CEP112: variants seen among roughly 807,000 people sequenced by gnomAD.
CEP112 encodes centrosomal protein 112.
A neutral mutation model predicts 153.0 loss-of-function variants in CEP112; 127 were observed. That is an observed-to-expected ratio of 0.83 (90% CI 0.72 to 0.96). CEP112 has a LOEUF of 0.96. Among genes scored for constraint, CEP112 ranks in the 40% least tolerant of loss-of-function variants. CEP112 has a pLI of 0.00. For missense variants in CEP112, 1,089 were observed against 1,101.2 expected, an observed-to-expected ratio of 0.99 and a Z score of 0.16; for synonymous variants, 358 against 374.4, an observed-to-expected ratio of 0.96 and a Z score of 0.51.
chr17:65,680,459 C>T (rs1287759929), intron 24 of CEP112, among the ~76,000 whole-genome samples: 1 of 152,064 alleles, frequency 6.6e-6, no homozygotes, highest in Non-Finnish European at 1.5e-5. Context: ...ATTCTTCCTC[C>T]CTCCTTCTCT....
chr17:65,853,320 T>C (rs1193270310), intron 20 of CEP112, among the ~76,000 whole-genome samples: 1 of 152,006 alleles, frequency 6.6e-6, no homozygotes, highest in Non-Finnish European at 1.5e-5. Flanking sequence ...ATGGATTTGT[T>C]CTCTCTGGGT....
intron 18 of CEP112, among the ~76,000 whole-genome samples, chr17:65,946,973 G>A (rs754701257): frequency 6.6e-6 from 1 of 152,062 alleles, no homozygotes; most frequent in Non-Finnish European, 1.5e-5. Context: ...TCTTCTTCAA[G>A]TTTTATTTTG....
chr17:66,078,334 C>T (rs1314689208), intron 8 of CEP112, among the ~76,000 whole-genome samples: 4 of 150,504 alleles, frequency 2.7e-5, no homozygotes, highest in Admixed American at 2.6e-4. Context: ...TCTCAGCTCA[C>T]TGCAACTCTG....
intron 4 of CEP112, among the ~76,000 whole-genome samples, chr17:66,162,768 C>G (rs1026003613): frequency 6.6e-6 from 1 of 152,022 alleles, no homozygotes; most frequent in Non-Finnish European, 1.5e-5. Flanking sequence ...TGGGAGAGAG[C>G]AAGAAAGAGT....
At chr17:65,849,226 C>T (rs2057836250) in intron 21 of CEP112, among the ~76,000 whole-genome samples, 1 of 152,182 alleles carries the variant, frequency 6.6e-6, no homozygotes, top group Non-Finnish European at 1.5e-5. Flanking sequence ...AACATATCTA[C>T]TAATTAAAAT....
At chr17:66,004,911 C>A (rs2064209739) in intron 17 of CEP112, among the ~76,000 whole-genome samples, 1 of 152,180 alleles carries the variant, frequency 6.6e-6, no homozygotes, top group African/African-American at 2.4e-5. Flanking sequence ...CCTCTTAAAT[C>A]ACTTTCTTGG....
intron 7 of CEP112, 96 bp downstream of exon 7, chr17:66,096,489 T>C (rs1294319961): frequency 2.7e-6 from 3 of 1,131,560 alleles, no homozygotes; most frequent in Non-Finnish European, 3.9e-6. Context: ...TTATGTTTCC[T>C]AATGTAGATC....
rs892862058 is a variant in CEP112, at chr17:65,651,856, C to A, written c.2698-10791G>T. On this transcript the variant is annotated intron_variant, in intron 24 of 26. Transcript: ENST00000535342. ...GCTGGGATTAAGGCATGCACCACCA[C>A]TACACCCAGCTAATTTTTGTATTTT... Among the ~76,000 whole-genome samples the A allele has an allele frequency of 2.0e-5, 3 of 152,218 alleles. 1 individual carries two copies. In the South Asian group the frequency reaches 6.2e-4, roughly 32 times the overall value.
At chr17:65,653,249 T>C (rs556614158) in intron 24 of CEP112, among the ~76,000 whole-genome samples, 8 of 152,292 alleles carry the variant, frequency 5.3e-5, no homozygotes, top group Non-Finnish European at 1.2e-4. Flanking sequence ...TGGGGAACCA[T>C]TGCTTTATTG....
At position 66,168,561 on chromosome 17, in the gene CEP112, A is replaced by AT. The variant is rs968329235; in HGVS notation, c.470+6482dup. Reference sequence around the variant, plus strand: ...TGTGTGTGTGTGTATATATATATATATTTTTAACCATTGCACAAGATGTTG... The same window carrying AT: ...TGTGTGTGTGTGTATATATATATATATTTTTTAACCATTGCACAAGATGTTG... On this transcript the variant is annotated intron_variant, in intron 4 of 26. Transcript: ENST00000535342. Among the ~76,000 whole-genome samples, 98 of 151,638 alleles carry AT rather than the reference A, an allele frequency of 6.5e-4. 1 individual carries two copies. Among genetic ancestry groups the AT allele is most frequent in the Non-Finnish European group, 4.4e-4 (30 of 67,894 alleles).
At chr17:65,696,293 G>C (rs939456215) in intron 23 of CEP112, among the ~76,000 whole-genome samples, 1 of 152,164 alleles carries the variant, frequency 6.6e-6, no homozygotes, top group Non-Finnish European at 1.5e-5. Flanking sequence ...TGAGGTCTCT[G>C]AGCACGTTTT....
chr17:65,944,860 G>A (rs1351826569), intron 18 of CEP112, among the ~76,000 whole-genome samples: 1 of 152,138 alleles, frequency 6.6e-6, no homozygotes, highest in Non-Finnish European at 1.5e-5. Context: ...TTATAGGTAT[G>A]AGTCACCACG....
chr17:65,673,555 G>C (rs1286602638), intron 24 of CEP112, among the ~76,000 whole-genome samples: 1 of 151,902 alleles, frequency 6.6e-6, no homozygotes, highest in African/African-American at 2.4e-5. Context: ...CCTCCTTCAG[G>C]GGCCATTCTG....
chr17:65,992,024 A>T (rs1438937268), intron 17 of CEP112, among the ~76,000 whole-genome samples: 1 of 27,380 alleles, frequency 3.7e-5, no homozygotes, highest in African/African-American at 3.2e-4. Flanking sequence ...ATGTTCCATT[A>T]AAAAAAAAAA....
chr17:65,659,821 G>T (rs1013998022), intron 24 of CEP112, among the ~76,000 whole-genome samples: 1 of 152,210 alleles, frequency 6.6e-6, no homozygotes, highest in Non-Finnish European at 1.5e-5. Flanking sequence ...GGCCAGGAAG[G>T]GAACAGGAGA....
At chr17:65,801,339 T>C (rs140493945) in intron 21 of CEP112, among the ~76,000 whole-genome samples, 291 of 152,338 alleles carry the variant, frequency 1.9e-3, no homozygotes, top group African/African-American at 6.7e-3. Flanking sequence ...ATTACAGGCA[T>C]GAGCCACTGC....
intron 21 of CEP112, among the ~76,000 whole-genome samples, chr17:65,810,672 C>T (rs534655271): frequency 3.3e-5 from 5 of 151,448 alleles, no homozygotes; most frequent in South Asian, 2.1e-4. Flanking sequence ...ATTTGGCATA[C>T]GTGATCAAAG....
chr17:65,650,730 TAAAAAAAAAA>T (rs71361240), intron 24 of CEP112, among the ~76,000 whole-genome samples: 4 of 44,240 alleles, frequency 9.0e-5, no homozygotes, highest in Admixed American at 5.4e-4. Flanking sequence ...AACTCTCTAC[TAAAAAAAAAA>T]AAAAAAAAAA....
At chr17:65,846,344 C>T (rs2057724357) in intron 21 of CEP112, among the ~76,000 whole-genome samples, 1 of 151,936 alleles carries the variant, frequency 6.6e-6, no homozygotes, top group South Asian at 2.1e-4. Context: ...AAGTATGTCT[C>T]AATAAAGATT....
Sources: gnomAD v4.1 joint callset for allele counts (sites outside exome capture counted in the v4.1 genomes callset) on GRCh38, gnomAD v4.1.1 for gene constraint, MANE v1.5 for transcripts, NCBI Gene and HGNC (gene_info 2026-07-23, HGNC 2026-07-21) for gene names.